UBFD1: variants seen among roughly 807,000 people sequenced by gnomAD.
UBFD1 encodes ubiquitin family domain containing 1, also known as ubiquitin domain-containing protein UBFD1.
UBFD1 carries 12 observed loss-of-function variants against 35.1 expected under a neutral mutation model. The ratio of observed to expected loss-of-function variants is 0.34; its 90% CI spans 0.22 to 0.55. The LOEUF is 0.55. Among genes scored for constraint, UBFD1 ranks in the 20% least tolerant of loss-of-function variants. UBFD1 has a pLI of 0.89. For synonymous variants in UBFD1, 178 were observed against 167.6 expected (o/e 1.06, Z -0.48); for missense variants, 337 against 410.8 (o/e 0.82, Z 1.55).
intron 3 of UBFD1, among the ~76,000 whole-genome samples, chr16:23,560,537 C>T (rs549452349): frequency 2.0e-5 from 3 of 152,186 alleles, no homozygotes; most frequent in Non-Finnish European, 2.9e-5. Flanking sequence ...AAGAAAAGGA[C>T]ACAGTTTGTG....
chr16:23,570,465 CT>C lies in UBFD1; in HGVS notation c.820-10del. ...ACCTCTGAAGTACCGCTTGGTTTTC[CT>C]TTTTCCCTTCCAGGCGTTTCAGTTG... is the stretch of plus-strand genomic sequence containing the variant. On this transcript the variant is annotated splice_polypyrimidine_tract_variant and intron_variant, in intron 6 of 6. Transcript: ENST00000395878. 1.2e-6 allele frequency: 2 copies of C among 1,610,496 alleles called. No homozygotes were observed. Among genetic ancestry groups the C allele is most frequent in the Non-Finnish European group, 1.7e-6 (2 of 1,177,046 alleles).
intron 5 of UBFD1, 120 bp from the exon 6 acceptor site, chr16:23,566,867 G>A (rs867500921): frequency 5.5e-6 from 5 of 903,122 alleles, no homozygotes; most frequent in South Asian, 1.5e-5. Flanking sequence ...AGGGCATGGC[G>A]CCAGTCACTT....
chr16:23,558,332 C>T (rs1418210743), intron 2 of UBFD1, 53 bp downstream of exon 2: 2 of 1,584,054 alleles, frequency 1.3e-6, no homozygotes, highest in Admixed American at 1.8e-5. Context: ...TCCTGATGGC[C>T]CTTGCACCCT....
intron 6 of UBFD1, among the ~76,000 whole-genome samples, chr16:23,568,152 G>A (rs893572565): frequency 7.0e-6 from 1 of 143,786 alleles, no homozygotes; most frequent in Admixed American, 7.0e-5. Flanking sequence ...TACTCTCTCT[G>A]TAGTCTTTTT....
chr16:23,566,951 C>T (rs1434316059), intron 5 of UBFD1, 36 bp from the exon 6 acceptor site: 1 of 1,598,880 alleles, frequency 6.3e-7, no homozygotes. Flanking sequence ...AACAGGAGGG[C>T]CCTTTGAATA....
intron 5 of UBFD1, chr16:23,565,681 A>C (rs1966000093): frequency 6.6e-6 from 1 of 152,208 alleles, no homozygotes; most frequent in Admixed American, 6.5e-5. Context: ...GGCCCACAGA[A>C]CTGAAGTAAA....
chr16:23,570,726 T>C lies in UBFD1; in HGVS notation c.*136T>C, dbSNP rs1966071930. On this transcript the variant is annotated 3_prime_UTR_variant, in exon 7 of 7. Coordinates refer to ENST00000395878, the MANE Select transcript of UBFD1 (RefSeq NM_019116.3). ...CTATATTCAATCTGAGGTGATGTGG[T>C]GACTGAAGCCAGAGGTGATGTACTT... is the stretch of plus-strand genomic sequence containing the variant. The C allele has an allele frequency of 3.1e-6, 2 of 646,058 alleles. No homozygotes were observed. Among genetic ancestry groups the C allele is most frequent in the Middle Eastern group, 4.3e-4 (1 of 2,306 alleles). The allele number at this position is 646,058 out of a possible 1,614,324, so 40.0% of individuals were successfully genotyped here. A position where few individuals can be genotyped will look rare whatever the true frequency, so the allele number is the denominator to read the frequency against.
At chr16:23,563,555 C>T (rs1965969149) in intron 5 of UBFD1, among the ~76,000 whole-genome samples, 1 of 152,188 alleles carries the variant, frequency 6.6e-6, no homozygotes, top group Non-Finnish European at 1.5e-5. Context: ...CTGTTCAAAG[C>T]GAGTTACCCT....
chr16:23,568,045 A>G (rs1386987073), intron 6 of UBFD1, among the ~76,000 whole-genome samples: 1 of 152,158 alleles, frequency 6.6e-6, no homozygotes, highest in Non-Finnish European at 1.5e-5. Context: ...GTGTGGCTGT[A>G]GCAAGGCTGT....
At chr16:23,561,430 A>G (rs574181765) in intron 3 of UBFD1, among the ~76,000 whole-genome samples, 2 of 152,336 alleles carry the variant, frequency 1.3e-5, no homozygotes, top group East Asian at 3.9e-4. Flanking sequence ...AGACTCAGGC[A>G]TTTGGGCCAG....
chr16:23,570,228 T>A (rs1392106725), intron 6 of UBFD1, among the ~76,000 whole-genome samples: 1 of 152,188 alleles, frequency 6.6e-6, no homozygotes, highest in African/African-American at 2.4e-5. Context: ...CTGATCCATG[T>A]TCCAGCAAGC....
rs376833059 is a variant in UBFD1, at chr16:23,571,548, T to C, written c.*958T>C. ...CTTCCAGGAGGAGCCAGGTAGAAGA[T>C]AGTTATACAGCCATATAGCTGCAGA... On this transcript the variant is annotated 3_prime_UTR_variant, in exon 7 of 7. Transcript: ENST00000395878. 6.6e-6 allele frequency: 1 copy of C among 152,482 alleles called. No homozygotes were observed. Among genetic ancestry groups the C allele is most frequent in the Non-Finnish European group, 1.5e-5 (1 of 68,072 alleles). The allele number at this position is 152,482 out of a possible 1,614,324, so 9.4% of individuals were successfully genotyped here. A position where few individuals can be genotyped will look rare whatever the true frequency, so the allele number is the denominator to read the frequency against.
chr16:23,558,385 C>G, intron 2 of UBFD1, 106 bp downstream of exon 2: 2 of 1,374,978 alleles, frequency 1.5e-6, no homozygotes, highest in African/African-American at 1.5e-5. Context: ...TCCCCCCATC[C>G]TTACAGCAGT....
rs919818533 is a variant in UBFD1, at chr16:23,572,978, C to A, written c.*2388C>A. On this transcript the variant is annotated 3_prime_UTR_variant, in exon 7 of 7. Transcript: ENST00000395878. ...AGCCACTGGGAGAAGTGTTTTCGAT[C>A]CGTGTCTGGGCCACAGTAGTATTCA... The A allele has an allele frequency of 2.6e-5, 4 of 152,244 alleles. No homozygotes were observed. In the South Asian group the frequency reaches 8.3e-4, roughly 32 times the overall value. 9.4% of individuals were successfully genotyped at this position (152,244 alleles called of 1,614,324 possible).
rs1965955566 is a variant in UBFD1, at chr16:23,562,738, C to A, written c.736+8C>A. 1 of 1,612,652 alleles carries A rather than the reference C, an allele frequency of 6.2e-7. No individual in the cohort carries two copies. The highest frequency in any genetic ancestry group is 8.5e-7 in the Non-Finnish European group (1 of 1,178,780). On this transcript the variant is annotated splice_region_variant and intron_variant, in intron 5 of 6. Transcript: ENST00000395878. Reference sequence around the variant, plus strand: ...TGTGGATTGGCACTAAAGGTATGTTCTTCCTCGCCTCCTTGCTGGCCCACT... The same window carrying A: ...TGTGGATTGGCACTAAAGGTATGTTATTCCTCGCCTCCTTGCTGGCCCACT...
At position 23,571,300 on chromosome 16, in the gene UBFD1, AG is replaced by A. The variant is rs1842533530; in HGVS notation, c.*712del. ...AGGAAGAGCTGCTCAGTCTTGGGCA[AG>A]GAGCTCTCACACTTGCTGTGGTGTT... On this transcript the variant is annotated 3_prime_UTR_variant, in exon 7 of 7. Transcript: ENST00000395878. 3.3e-5 allele frequency: 5 copies of A among 152,676 alleles called. No individual in the cohort carries two copies. The highest frequency in any genetic ancestry group is 3.3e-4 in the Admixed American group (5 of 15,276). 9.5% of individuals were successfully genotyped at this position (152,676 alleles called of 1,614,324 possible). A position where few individuals can be genotyped will look rare whatever the true frequency, so the allele number is the denominator to read the frequency against.
At position 23,558,013 on chromosome 16, in the gene UBFD1, C is replaced by G. The variant is rs1285980488; in HGVS notation, c.89C>G (p.Pro30Arg). 2.2e-6 allele frequency: 3 copies of G among 1,359,056 alleles called. No homozygotes were observed. Among genetic ancestry groups the G allele is most frequent in the African/African-American group, 1.5e-5 (1 of 65,742 alleles). The allele number at this position is 1,359,056 out of a possible 1,614,324, so 84.2% of individuals were successfully genotyped here. ...ETVATEAPAR[P>R]VNCLEAEAAA... ...GTGGCTACTGAGGCTCCCGCGCGGC[C>G]CGTCAACTGCCTGGAGGCTGAAGCC... The change falls in exon 2 of 7, where the codon CCC (proline) becomes CGC (arginine). Residue 30 changes from proline to arginine, a missense_variant. Pro to Arg is a moderately radical substitution (Grantham distance 103). Transcript: ENST00000395878.
At chr16:23,559,964 C>A (rs1265751696) in intron 3 of UBFD1, 27 of 1,248,952 alleles carry the variant, frequency 2.2e-5, no homozygotes, top group Middle Eastern at 2.8e-4. Context: ...GGGTTTCTCT[C>A]TCTTATTTAG....
intron 6 of UBFD1, 73 bp downstream of exon 6, chr16:23,567,142 G>C (rs1966022515): frequency 4.9e-6 from 7 of 1,427,872 alleles, no homozygotes; most frequent in Non-Finnish European, 5.8e-6. Flanking sequence ...AGTTTTAACT[G>C]AGCTTGTTTA....
Sources: gnomAD v4.1 joint callset for allele counts (sites outside exome capture counted in the v4.1 genomes callset) on GRCh38, gnomAD v4.1.1 for gene constraint, MANE v1.5 for transcripts, NCBI Gene and HGNC (gene_info 2026-07-23, HGNC 2026-07-21) for gene names.